Variants in CASP14 observed in about 807,000 individuals in gnomAD.
The protein encoded by CASP14 is caspase-14.
CASP14 carries 27 observed loss-of-function variants against 28.4 expected under a neutral mutation model. The observed-to-expected ratio is 0.95, with a 90% CI of 0.70 to 1.31. The LOEUF (loss-of-function observed/expected upper bound fraction) is 1.31, where lower values mean the gene tolerates loss of function less well. Among genes scored for constraint, CASP14 ranks in the 50% most tolerant of loss-of-function variants. The pLI, the probability that CASP14 is intolerant of heterozygous loss-of-function variation, is 0.00. For missense variants in CASP14, 323 were observed against 312.8 expected (o/e 1.03, Z -0.25); for synonymous variants, 115 against 118.6 (o/e 0.97, Z 0.20).
chr19:15,052,813 T>C (rs979108457), intron 2 of CASP14, among the ~76,000 whole-genome samples: 1 of 149,950 alleles, frequency 6.7e-6, no homozygotes, highest in Non-Finnish European at 1.5e-5. Context: ...CACACACTCA[T>C]TGTCTATATT....
At chr19:15,053,354 C>CA in intron 2 of CASP14, 128 bp from the exon 3 acceptor site, 1 of 1,138,648 alleles carries the variant, frequency 8.8e-7, no homozygotes, top group Non-Finnish European at 1.3e-6. Flanking sequence ...GCAATCCTCC[C>CA]ACCTCGGCCT....
Position 15,056,330 on chromosome 19 carries a change from T to C in CASP14, c.*241T>C. The C allele has an allele frequency of 2.4e-6, 1 of 409,104 alleles. No homozygotes were observed. The allele number at this position is 409,104 out of a possible 1,614,324, so 25.3% of individuals were successfully genotyped here. A position where few individuals can be genotyped will look rare whatever the true frequency, so the allele number is the denominator to read the frequency against. On this transcript the variant is annotated 3_prime_UTR_variant, in exon 7 of 7. Transcript: ENST00000427043. ...TCCCTCAGGCTGGACTTTCTATCTT[T>C]ATTAATGCAACCGAAGAGACCTAAG...
rs933372328 is a variant in CASP14 at position 15,049,581 on chromosome 19, G to C, written c.-111G>C. On this transcript the variant is annotated 5_prime_UTR_variant, in exon 1 of 7. Coordinates refer to ENST00000427043, the MANE Select transcript of CASP14 (RefSeq NM_012114.3). ...TGACTCCTCCTCGGTGCCCAGCTCA[G>C]TATTGGCAACTAGGAGAGTAGTGAG... 4.6e-5 allele frequency: 7 copies of C among 152,044 alleles called. No individual in the cohort carries two copies. The highest frequency in any genetic ancestry group is 7.3e-5 in the African/African-American group (3 of 41,364). The allele number at this position is 152,044 out of a possible 1,614,324, so 9.4% of individuals were successfully genotyped here. A position where few individuals can be genotyped will look rare whatever the true frequency, so the allele number is the denominator to read the frequency against.
chr19:15,057,330 T>G lies in CASP14; in HGVS notation c.*1241T>G, dbSNP rs543268103. 6.6e-6 allele frequency: 1 copy of G among 152,398 alleles called. No individual in the cohort carries two copies. Among genetic ancestry groups the G allele is most frequent in the East Asian group, 1.9e-4 (1 of 5,178 alleles). 9.4% of individuals were successfully genotyped at this position (152,398 alleles called of 1,614,324 possible). A position where few individuals can be genotyped will look rare whatever the true frequency, so the allele number is the denominator to read the frequency against. On this transcript the variant is annotated 3_prime_UTR_variant, in exon 7 of 7. Transcript: ENST00000427043. ...CAGGTTCAGATTTCTGCAGTCAATC[T>G]ATGACCCCTCTCTTCTTGCATCCTT... is the stretch of plus-strand genomic sequence containing the variant.
In CASP14 at chr19:15,056,796, C is replaced by T. The variant is rs777741838; in HGVS notation, c.*707C>T. 6.6e-6 allele frequency: 1 copy of T among 152,268 alleles called. No individual in the cohort carries two copies. The allele number at this position is 152,268 out of a possible 1,614,324, so 9.4% of individuals were successfully genotyped here. On this transcript the variant is annotated 3_prime_UTR_variant, in exon 7 of 7. Coordinates refer to ENST00000427043, the MANE Select transcript of CASP14 (RefSeq NM_012114.3). ...ATTCAACTATTCTTGCATTCAATTACTCTAAATGAGAGCGTGTTGGAGCTA... is the reference window on the plus strand; with the variant it reads ...ATTCAACTATTCTTGCATTCAATTATTCTAAATGAGAGCGTGTTGGAGCTA...
intron 6 of CASP14, 74 bp from the exon 7 acceptor site, chr19:15,055,911 G>T (rs898451494): frequency 8.1e-5 from 93 of 1,142,638 alleles, no homozygotes; most frequent in African/African-American, 1.5e-5. Flanking sequence ...ATACCCACCT[G>T]CCCCGTTCCC....
At chr19:15,051,038 A>C (rs1012366927) in intron 1 of CASP14, among the ~76,000 whole-genome samples, 2 of 151,964 alleles carry the variant, frequency 1.3e-5, no homozygotes, top group African/African-American at 4.8e-5. Flanking sequence ...GAATGGATGG[A>C]TAGATGATGA....
At chr19:15,053,393 C>A in intron 2 of CASP14, 89 bp from the exon 3 acceptor site, 2 of 1,524,520 alleles carry the variant, frequency 1.3e-6, no homozygotes, top group South Asian at 2.3e-5. Flanking sequence ...CAGGCATGAG[C>A]CACCACACCC....
At chr19:15,050,179 C>T (rs1440999639) in intron 1 of CASP14, among the ~76,000 whole-genome samples, 3 of 152,034 alleles carry the variant, frequency 2.0e-5, no homozygotes, top group African/African-American at 7.2e-5. Context: ...GAGTGAGATG[C>T]CGAAGGTCAC....
chr19:15,055,351 T>C lies in CASP14; in HGVS notation c.520+77T>C, dbSNP rs3181163. 283,753 of 1,560,110 alleles carry C rather than the reference T, an allele frequency of 0.18. 26,617 individuals are homozygous for C. The highest frequency in any genetic ancestry group is 0.26 in the Admixed American group (15,567 of 59,758). ...CCACTCCCAACTCCTGAACCTCTCC[T>C]CCAGGACCCACGCCCTTCCAGGATC... On this transcript the variant is annotated intron_variant, in intron 5 of 6. Coordinates refer to ENST00000427043, the MANE Select transcript of CASP14 (RefSeq NM_012114.3).
chr19:15,051,065 T>C (rs571901336), intron 1 of CASP14, among the ~76,000 whole-genome samples: 1 of 151,732 alleles, frequency 6.6e-6, no homozygotes, highest in South Asian at 2.1e-4. Flanking sequence ...GGATAGATGG[T>C]AGATGGATAG....
rs1358002220 is a variant in CASP14 at position 15,055,440 on chromosome 19, CT to C, written c.532del (p.Tyr178ThrfsTer29). 6.2e-7 allele frequency: 1 copy of C among 1,614,074 alleles called. No individual in the cohort carries two copies. The highest frequency in any genetic ancestry group is 1.3e-5 in the African/African-American group (1 of 75,012). On this transcript the variant is annotated frameshift_variant, in exon 6 of 7. Transcript: ENST00000427043. LOFTEE classifies it high-confidence loss of function. Reference sequence around the variant, plus strand: ...CTCTGGAATTCCCAGGATACATCGCCTACCGACATGATCAGAAAGGCTCATG... The same window carrying C: ...CTCTGGAATTCCCAGGATACATCGCCACCGACATGATCAGAAAGGCTCATG... ...VYSTVEGYIA[Y>X]RHDQKGSCFI...
rs892459680 is a variant in CASP14 at position 15,057,368 on chromosome 19, G to A, written c.*1279G>A. 6.6e-6 allele frequency: 1 copy of A among 152,242 alleles called. No individual in the cohort carries two copies. Among genetic ancestry groups the A allele is most frequent in the Admixed American group, 6.6e-5 (1 of 15,254 alleles). The allele number at this position is 152,242 out of a possible 1,614,324, so 9.4% of individuals were successfully genotyped here. A position where few individuals can be genotyped will look rare whatever the true frequency, so the allele number is the denominator to read the frequency against. ...TTCTTGCATCCTTCATATGCCACCA[G>A]ACACCATGCCCAGTCCAGCCTGATT... On this transcript the variant is annotated 3_prime_UTR_variant, in exon 7 of 7. Coordinates refer to ENST00000427043, the MANE Select transcript of CASP14 (RefSeq NM_012114.3).
rs962519602 is a variant in CASP14 at position 15,056,894 on chromosome 19, T to C, written c.*805T>C. 1.3e-5 allele frequency: 2 copies of C among 152,158 alleles called. No individual in the cohort carries two copies. Among genetic ancestry groups the C allele is most frequent in the African/African-American group, 2.4e-5 (1 of 41,438 alleles). 9.4% of individuals were successfully genotyped at this position (152,158 alleles called of 1,614,324 possible). A position where few individuals can be genotyped will look rare whatever the true frequency, so the allele number is the denominator to read the frequency against. On this transcript the variant is annotated 3_prime_UTR_variant, in exon 7 of 7. Coordinates refer to ENST00000427043, the MANE Select transcript of CASP14 (RefSeq NM_012114.3). ...TTTAACCTCTCATAACCAGAGAGGT[T>C]AAATAATTTGTCAAATGCAATACAG... is the stretch of plus-strand genomic sequence containing the variant.
intron 1 of CASP14, among the ~76,000 whole-genome samples, chr19:15,050,626 T>C (rs2046086034): frequency 1.3e-5 from 2 of 150,820 alleles, no homozygotes; most frequent in South Asian, 4.2e-4. Context: ...AGTTGGAAGA[T>C]AGAATAGATG....
In CASP14 at chr19:15,056,065, C is replaced by G. The variant is rs906331879; in HGVS notation, c.705C>G (p.Leu235=). ...RKTNPEIQST[L]RKRLYLQ is the part of the protein sequence containing the mutation. Reference sequence around the variant, plus strand: ...CGAACCCTGAAATCCAAAGCACCCTCCGGAAACGGCTGTATCTGCAGTAGA... The same window carrying G: ...CGAACCCTGAAATCCAAAGCACCCTGCGGAAACGGCTGTATCTGCAGTAGA... Residue 235 remains leucine, a synonymous_variant, in exon 7 of 7, where the codon CTC becomes CTG. Coordinates refer to ENST00000427043, the MANE Select transcript of CASP14 (RefSeq NM_012114.3). The G allele has an allele frequency of 3.1e-6, 5 of 1,602,962 alleles. No individual in the cohort carries two copies. The African/African-American group carries it at 6.7e-5, about 21-fold the overall frequency.
At chr19:15,049,683 TCTCTCTCTCTCTCTCACA>T (rs2046079593) in intron 1 of CASP14, 38 bp downstream of exon 1, 1 of 105,072 alleles carries the variant, frequency 9.5e-6, no homozygotes, top group South Asian at 3.4e-4. Context: ...TCTCTCTCTC[TCTCTCTCTCTCTCTCACA>T]CACACACACA....
chr19:15,051,455 T>C (rs532237796), intron 1 of CASP14, among the ~76,000 whole-genome samples: 2 of 130,606 alleles, frequency 1.5e-5, no homozygotes, highest in African/African-American at 2.9e-5. Flanking sequence ...GCCGAGATCA[T>C]GCCACTGCAC....
chr19:15,050,219 G>C (rs577761326), intron 1 of CASP14, among the ~76,000 whole-genome samples: 1 of 152,054 alleles, frequency 6.6e-6, no homozygotes, highest in South Asian at 2.1e-4. Context: ...GGCAGGATTC[G>C]GTTCTGGCTC....
Sources: allele counts gnomAD v4.1 joint callset (sites outside exome capture counted in the v4.1 genomes callset), GRCh38; gene constraint gnomAD v4.1.1; transcripts MANE v1.5; gene names NCBI Gene and HGNC (gene_info 2026-07-23, HGNC 2026-07-21).